The following METTL25B variants were observed in gnomAD, a reference collection of about 807,000 sequenced individuals.
The protein encoded by METTL25B is methyltransferase like 25B, also known as methyltransferase-like protein 25B.
METTL25B carries 38 observed loss-of-function variants against 48.4 expected under a neutral mutation model. That is an observed-to-expected ratio of 0.78 (90% CI 0.61 to 1.03). The LOEUF (loss-of-function observed/expected upper bound fraction) is 1.03, where lower values mean the gene tolerates loss of function less well. METTL25B is among the 50% of genes least tolerant of loss of function. METTL25B has a pLI of 0.00. For synonymous variants in METTL25B, 230 were observed against 254.5 expected, an observed-to-expected ratio of 0.90 and a Z score of 0.92; for missense variants, 537 against 603.7, an observed-to-expected ratio of 0.89 and a Z score of 1.16.
chr1:156,734,028 G>A lies in METTL25B; in HGVS notation c.656G>A (p.Arg219His), dbSNP rs569829775. 2.3e-5 allele frequency: 37 copies of A among 1,605,058 alleles called. No homozygotes were observed. The South Asian group carries it at 3.3e-4, about 14-fold the overall frequency. The change falls in exon 6 of 8, where the codon CGT becomes CAT. Residue 219 changes from arginine (R) to histidine (H), a missense_variant. By Grantham distance (29) the Arg-to-His change is conservative. Coordinates refer to ENST00000368216, the MANE Select transcript of METTL25B (RefSeq NM_015997.4). The part of the protein sequence containing the change: ...RNPQVVQTSP[R>H]HSPHHVVRWV... The stretch of plus-strand genomic sequence containing the variant: ...CCACAGGTGGTCCAAACCAGCCCTC[G>A]TCACTCCCCACACCACGTGGTTAGG...
intron 1 of METTL25B, among the ~76,000 whole-genome samples, chr1:156,731,104 T>C (rs189036825): frequency 1.3e-5 from 2 of 152,330 alleles, no homozygotes; most frequent in Admixed American, 6.5e-5. Flanking sequence ...ATATGACATA[T>C]GATGTTGTCT....
Position 156,728,961 on chromosome 1 carries a change from A to G in METTL25B, c.-144A>G, listed in dbSNP as rs1212882058. 12 of 566,664 alleles carry G rather than the reference A, an allele frequency of 2.1e-5. No homozygotes were observed. Among genetic ancestry groups the G allele is most frequent in the African/African-American group, 1.2e-4 (6 of 50,384 alleles). 35.1% of individuals were successfully genotyped at this position (566,664 alleles called of 1,614,324 possible). A position where few individuals can be genotyped will look rare whatever the true frequency, so the allele number is the denominator to read the frequency against. ...TCCACTCCAGCATCGGATCCCGGAA[A>G]GGCAGCGTCGGAGACTGGACCCAAA... is the stretch of plus-strand genomic sequence containing the variant. On this transcript the variant is annotated 5_prime_UTR_variant, in exon 1 of 8. Transcript: ENST00000368216.
In METTL25B at chr1:156,728,875, G is replaced by A; in HGVS notation, c.-230G>A. On this transcript the variant is annotated 5_prime_UTR_variant, in exon 1 of 8. Transcript: ENST00000368216. ...TTACCCCGCCCTACGTGTCTCTGAC[G>A]CTGACACCTTCTCACTGTGAAACGT... 1.6e-6 allele frequency: 1 copy of A among 632,150 alleles called. No homozygotes were observed. The highest frequency in any genetic ancestry group is 2.4e-6 in the Non-Finnish European group (1 of 412,618). 39.2% of individuals were successfully genotyped at this position (632,150 alleles called of 1,614,324 possible).
Position 156,735,859 on chromosome 1 carries a change from T to C in METTL25B, c.1256T>C (p.Leu419Pro). 6.2e-7 allele frequency: 1 copy of C among 1,613,060 alleles called. No individual in the cohort carries two copies. The highest frequency in any genetic ancestry group is 8.5e-7 in the Non-Finnish European group (1 of 1,179,686). Residue 419 changes from leucine (L) to proline (P), a missense_variant, in exon 7 of 8, where the codon CTG (leucine) becomes CCG (proline). By Grantham distance (98) the Leu-to-Pro change is moderately conservative. Coordinates refer to ENST00000368216, the MANE Select transcript of METTL25B (RefSeq NM_015997.4). ...FFSLALLLAP[L>P]VETLILLDRL... ...AGCCTGGCTCTACTGCTTGCCCCAC[T>C]GGTGGAGACGCTTATTCTACTGGAC...
intron 1 of METTL25B, among the ~76,000 whole-genome samples, chr1:156,729,870 C>T (rs887392078): frequency 6.6e-6 from 1 of 152,150 alleles, no homozygotes; most frequent in African/African-American, 2.4e-5. Context: ...TAAATGGCAC[C>T]ACCATCCACT....
chr1:156,736,777 A>T lies in METTL25B; in HGVS notation c.*24A>T. On this transcript the variant is annotated 3_prime_UTR_variant, in exon 8 of 8. Transcript: ENST00000368216. ...GATGCAGCCTGAGGAAACATCTCAG[A>T]CCCCATCATCTGAAAGTGCCCAGAG... 1 of 1,603,320 alleles carries T rather than the reference A, an allele frequency of 6.2e-7. No individual in the cohort carries two copies. The highest frequency in any genetic ancestry group is 8.5e-7 in the Non-Finnish European group (1 of 1,178,162).
rs1243858812 is a variant in METTL25B, at chr1:156,736,832, A to T, written c.*79A>T. ...CAGTGGCAGAGTACATCTCATCCAGAGAAACAGCATCCTGCATCCTCCAGA... is the reference window on the plus strand; with the variant it reads ...CAGTGGCAGAGTACATCTCATCCAGTGAAACAGCATCCTGCATCCTCCAGA... On this transcript the variant is annotated 3_prime_UTR_variant, in exon 8 of 8. Transcript: ENST00000368216. 2 of 1,418,748 alleles carry T rather than the reference A, an allele frequency of 1.4e-6. No homozygotes were observed. The highest frequency in any genetic ancestry group is 9.6e-7 in the Non-Finnish European group (1 of 1,044,108). The allele number at this position is 1,418,748 out of a possible 1,614,324, so 87.9% of individuals were successfully genotyped here.
intron 1 of METTL25B, among the ~76,000 whole-genome samples, chr1:156,731,416 G>A (rs1248024445): frequency 6.6e-6 from 1 of 152,210 alleles, no homozygotes; most frequent in Non-Finnish European, 1.5e-5. Context: ...GAGCCACCAT[G>A]CCCGGCCAAA....
At chr1:156,729,290 T>G (rs1649021977) in intron 1 of METTL25B, 75 bp downstream of exon 1, 1 of 822,798 alleles carries the variant, frequency 1.2e-6, no homozygotes, top group African/African-American at 1.7e-5. Flanking sequence ...GGAGAGAATC[T>G]GGAGAATTAG....
chr1:156,734,782 C>T (rs1380710791), intron 6 of METTL25B, among the ~76,000 whole-genome samples: 3 of 151,668 alleles, frequency 2.0e-5, no homozygotes, highest in East Asian at 2.0e-4. Flanking sequence ...CCGCCCACCT[C>T]GGCCTCCCAA....
intron 7 of METTL25B, 27 bp downstream of exon 7, chr1:156,735,936 A>G (rs755321103): frequency 6.3e-7 from 1 of 1,595,538 alleles, no homozygotes; most frequent in Admixed American, 1.7e-5. Flanking sequence ...GCAGGGACCC[A>G]AGGACTATAG....
At chr1:156,730,479 T>C (rs1479697695) in intron 1 of METTL25B, among the ~76,000 whole-genome samples, 1 of 151,970 alleles carries the variant, frequency 6.6e-6, no homozygotes, top group Non-Finnish European at 1.5e-5. Flanking sequence ...ATCCTAGCAC[T>C]CTGGGAGGCC....
rs756300197 is a variant in METTL25B at position 156,734,046 on chromosome 1, T to C, written c.674T>C (p.Val225Ala). The C allele has an allele frequency of 7.4e-6, 12 of 1,611,902 alleles. No homozygotes were observed. Among genetic ancestry groups the C allele is most frequent in the Non-Finnish European group, 9.3e-6 (11 of 1,178,626 alleles). Reference protein sequence around the residue: ...QTSPRHSPHHVVRWVDPTALC... With the variant: ...QTSPRHSPHHAVRWVDPTALC... ...AGCCCTCGTCACTCCCCACACCACG[T>C]GGTTAGGTGGGTAGACCCCACAGCC... Residue 225 changes from valine (V) to alanine (A), a missense_variant, in exon 6 of 8, where the codon GTG becomes GCG. By Grantham distance (64) the Val-to-Ala change is moderately conservative. Transcript: ENST00000368216.
In METTL25B at chr1:156,729,047, G is replaced by T; in HGVS notation, c.-58G>T. 1 of 1,018,504 alleles carries T rather than the reference G, an allele frequency of 9.8e-7. No individual in the cohort carries two copies. Among genetic ancestry groups the T allele is most frequent in the South Asian group, 1.4e-5 (1 of 73,680 alleles). 63.1% of individuals were successfully genotyped at this position (1,018,504 alleles called of 1,614,324 possible). On this transcript the variant is annotated 5_prime_UTR_variant, in exon 1 of 8. Transcript: ENST00000368216. ...CCGGGTCCTGGACCCGCGTAGTACT[G>T]ACCCTGGATCCCTGTTCACTGCGTT...
At chr1:156,729,961 A>G (rs988218560) in intron 1 of METTL25B, among the ~76,000 whole-genome samples, 5 of 152,222 alleles carry the variant, frequency 3.3e-5, no homozygotes, top group Admixed American at 2.6e-4. Context: ...TTCTTCAACA[A>G]GTCCTCTTGG....
rs759567108 is a variant in METTL25B, at chr1:156,734,266, G to A, written c.894G>A (p.Leu298=). The A allele has an allele frequency of 5.6e-6, 9 of 1,614,184 alleles. No individual in the cohort carries two copies. Among genetic ancestry groups the A allele is most frequent in the Admixed American group, 3.3e-5 (2 of 60,034 alleles). ...MKLSDPGGYP[L]SQWVAGLPGY... is the part of the protein sequence containing the mutation. ...TGAGTGACCCTGGCGGCTACCCACTGAGTCAGTGGGTGGCTGGGCTGCCTG... is the reference window on the plus strand; with the variant it reads ...TGAGTGACCCTGGCGGCTACCCACTAAGTCAGTGGGTGGCTGGGCTGCCTG... Residue 298 remains leucine, a synonymous_variant, in exon 6 of 8, where the codon CTG becomes CTA. Coordinates refer to ENST00000368216, the MANE Select transcript of METTL25B (RefSeq NM_015997.4).
intron 1 of METTL25B, among the ~76,000 whole-genome samples, chr1:156,729,907 G>A (rs756156551): frequency 6.6e-6 from 1 of 152,156 alleles, no homozygotes; most frequent in African/African-American, 2.4e-5. Context: ...AAACCCAGAG[G>A]CCATCATTGA....
intron 7 of METTL25B, 58 bp downstream of exon 7, chr1:156,735,967 C>T (rs1026612345): frequency 7.6e-6 from 11 of 1,455,016 alleles, no homozygotes; most frequent in African/African-American, 2.8e-5. Context: ...TCTGGGGCTC[C>T]TTCTCCAAGT....
At position 156,729,113 on chromosome 1, in the gene METTL25B, C is replaced by T. The variant is rs991248219; in HGVS notation, c.9C>T (p.Gly3=). The T allele has an allele frequency of 3.1e-6, 5 of 1,604,562 alleles. No homozygotes were observed. Among genetic ancestry groups the T allele is most frequent in the Non-Finnish European group, 4.3e-6 (5 of 1,175,612 alleles). The change falls in exon 1 of 8, where the codon GGC becomes GGT. Residue 3 remains glycine, a synonymous_variant. Coordinates refer to ENST00000368216, the MANE Select transcript of METTL25B (RefSeq NM_015997.4). ...CCCTGCTGGACCCCGGGATGCCGGG[C>T]ATCTCCGCCCGAGGCCTCTCTCATG... MP[G]ISARGLSHEG...
Sources: allele counts gnomAD v4.1 joint callset (sites outside exome capture counted in the v4.1 genomes callset), GRCh38; gene constraint gnomAD v4.1.1; transcripts MANE v1.5; gene names NCBI Gene and HGNC (gene_info 2026-07-23, HGNC 2026-07-21).